Variants in NEDD4L observed in about 807,000 individuals in gnomAD.
The protein encoded by NEDD4L is NEDD4 like E3 ubiquitin protein ligase, also known as E3 ubiquitin-protein ligase NEDD4-like.
Under a neutral mutation model 148.9 loss-of-function variants are expected in NEDD4L, and 54 were observed. The observed-to-expected ratio is 0.36, with a 90% CI of 0.29 to 0.45. The LOEUF is 0.45. Among genes scored for constraint, NEDD4L ranks in the 20% least tolerant of loss-of-function variants. The probability of loss-of-function intolerance (pLI) is 1.00; values close to 1 mark genes in which losing one functional copy is unlikely to be tolerated. For synonymous variants in NEDD4L, 433 were observed against 440.7 expected (o/e 0.98, Z 0.22); for missense variants, 856 against 1,233.8 (o/e 0.69, Z 4.59).
chr18:58,268,873 A>G (rs2050617846), intron 5 of NEDD4L, among the ~76,000 whole-genome samples: 1 of 151,766 alleles, frequency 6.6e-6, no homozygotes, highest in Non-Finnish European at 1.5e-5. Flanking sequence ...GGAGGAGGGG[A>G]GCGTTCTATG....
intron 5 of NEDD4L, among the ~76,000 whole-genome samples, chr18:58,281,754 G>A (rs907481185): frequency 7.9e-5 from 12 of 151,860 alleles, no homozygotes; most frequent in Admixed American, 3.3e-4. Context: ...GGCTGGGCGC[G>A]GTGGCTCACA....
At position 58,315,555 on chromosome 18, in the gene NEDD4L, C is replaced by G. The variant is rs569779629; in HGVS notation, c.298-427C>G. Among the ~76,000 whole-genome samples, 3 of 152,078 alleles carry G rather than the reference C, an allele frequency of 2.0e-5. No homozygotes were observed. The East Asian group carries it at 5.8e-4, about 29-fold the overall frequency. On this transcript the variant is annotated intron_variant, in intron 5 of 30. Transcript: ENST00000400345. ...TTGTAAGATGCATTGGTAACTAGGCCATATACTTTTTCCATTGGCTCTCAG... is the reference window on the plus strand; with the variant it reads ...TTGTAAGATGCATTGGTAACTAGGCGATATACTTTTTCCATTGGCTCTCAG...
chr18:58,247,941 A>G (rs1290359663), intron 3 of NEDD4L, among the ~76,000 whole-genome samples: 1 of 151,892 alleles, frequency 6.6e-6, no homozygotes, highest in Non-Finnish European at 1.5e-5. Flanking sequence ...ATTTTTGAAA[A>G]CGCCGGTTCA....
chr18:58,104,564 T>C (rs965477012), intron 1 of NEDD4L, among the ~76,000 whole-genome samples: 1 of 152,244 alleles, frequency 6.6e-6, no homozygotes, highest in Non-Finnish European at 1.5e-5. Context: ...GTATAAGTTA[T>C]GCGACAAAAA....
intron 2 of NEDD4L, among the ~76,000 whole-genome samples, chr18:58,172,323 G>A (rs1228452708): frequency 6.6e-6 from 1 of 152,192 alleles, no homozygotes; most frequent in Non-Finnish European, 1.5e-5. Context: ...TCTTTTAGAC[G>A]CTCTGTGGTG....
At chr18:58,250,665 C>T (rs2047819205) in intron 4 of NEDD4L, among the ~76,000 whole-genome samples, 1 of 152,140 alleles carries the variant, frequency 6.6e-6, no homozygotes. Context: ...ATGCATTCCC[C>T]ACCATGAAGC....
intron 2 of NEDD4L, among the ~76,000 whole-genome samples, chr18:58,191,239 CAATG>C (rs2040081667): frequency 6.6e-6 from 1 of 152,182 alleles, no homozygotes; most frequent in Non-Finnish European, 1.5e-5. Context: ...CCATTTGTAT[CAATG>C]AATAACCCCC....
intron 2 of NEDD4L, among the ~76,000 whole-genome samples, chr18:58,194,682 C>T (rs1227199079): frequency 1.3e-5 from 2 of 151,914 alleles, no homozygotes; most frequent in Non-Finnish European, 2.9e-5. Flanking sequence ...ATTGGCCTCC[C>T]TAATCTGTTG....
intron 1 of NEDD4L, among the ~76,000 whole-genome samples, chr18:58,100,943 T>A (rs2084715968): frequency 6.6e-6 from 1 of 152,132 alleles, no homozygotes; most frequent in Non-Finnish European, 1.5e-5. Context: ...GTAGCTGGGA[T>A]GACAGGCGCA....
At position 58,256,563 on chromosome 18, in the gene NEDD4L, C is replaced by T; in HGVS notation, c.297+4509C>T. The stretch of plus-strand genomic sequence containing the variant: ...GATCGGGGAGCCCTGGAGGCATCGC[C>T]TCGAGCTGGCAGGATGGCTCCTGAA... On this transcript the variant is annotated intron_variant, in intron 5 of 30. Coordinates refer to ENST00000400345, the MANE Select transcript of NEDD4L (RefSeq NM_001144967.3). This position sits in a 1 kb window ranked among gnomAD's most constrained non-coding sequence, Gnocchi z 5.2. The T allele has an allele frequency of 1.6e-6, 2 of 1,232,370 alleles. No homozygotes were observed. The highest frequency in any genetic ancestry group is 2.0e-6 in the Non-Finnish European group (2 of 988,130). 76.3% of individuals were successfully genotyped at this position (1,232,370 alleles called of 1,614,324 possible).
intron 5 of NEDD4L, among the ~76,000 whole-genome samples, chr18:58,273,717 T>C (rs1250324564): frequency 6.6e-6 from 1 of 152,226 alleles, no homozygotes; most frequent in Non-Finnish European, 1.5e-5. Context: ...ATGTAACAAG[T>C]TGGGCAAATG....
intron 13 of NEDD4L, among the ~76,000 whole-genome samples, chr18:58,338,338 C>G (rs961762171): frequency 1.1e-4 from 17 of 152,304 alleles, no homozygotes; most frequent in Admixed American, 5.2e-4. Flanking sequence ...CATGGCCTGT[C>G]TGTAGAAGCT....
chr18:58,272,058 T>C (rs1054037059), intron 5 of NEDD4L, among the ~76,000 whole-genome samples: 11 of 152,170 alleles, frequency 7.2e-5, no homozygotes, highest in Non-Finnish European at 1.5e-4. Flanking sequence ...TTATGAAAAA[T>C]AGAAAAACCT....
chr18:58,345,932 T>G (rs1301619657), intron 16 of NEDD4L, among the ~76,000 whole-genome samples: 1 of 150,636 alleles, frequency 6.6e-6, no homozygotes, highest in Non-Finnish European at 1.5e-5. Context: ...TGTTTTTTGT[T>G]TTTTTTAGCA....
chr18:58,290,089 A>G (rs1045750512), intron 5 of NEDD4L, among the ~76,000 whole-genome samples: 1 of 152,268 alleles, frequency 6.6e-6, no homozygotes, highest in Non-Finnish European at 1.5e-5. Flanking sequence ...TTTACTGTAA[A>G]TTAATATCAT....
rs2059726758 is a variant in NEDD4L, at chr18:58,330,784, T to C, written c.860T>C (p.Leu287Pro). 2 of 1,612,594 alleles carry C rather than the reference T, an allele frequency of 1.2e-6. No homozygotes were observed. Among genetic ancestry groups the C allele is most frequent in the African/African-American group, 1.3e-5 (1 of 74,866 alleles). Residue 287 changes from leucine (L) to proline (P), a missense_variant, in exon 11 of 31, where the codon CTC becomes CCC. Coordinates refer to ENST00000400345, the MANE Select transcript of NEDD4L (RefSeq NM_001144967.3). ...GAAGTGAATATCGCTGGAGACTCTC[T>C]CGGTCTGGCTCTGCCCCCACCACCG... The part of the protein sequence containing the change: ...SEEVNIAGDS[L>P]GLALPPPPAS...
In NEDD4L at chr18:58,256,331, C is replaced by A. The variant is rs2048561719; in HGVS notation, c.297+4277C>A. On this transcript the variant is annotated intron_variant, in intron 5 of 30. Coordinates refer to ENST00000400345, the MANE Select transcript of NEDD4L (RefSeq NM_001144967.3). This position sits in a 1 kb window ranked among gnomAD's most constrained non-coding sequence, Gnocchi z 5.2. Reference sequence around the variant, plus strand: ...CAGGCGCTGGTCCCTGCAGCACGTTCCAGATGCTTCTGGAAGCTCTGGGAA... The same window carrying A: ...CAGGCGCTGGTCCCTGCAGCACGTTACAGATGCTTCTGGAAGCTCTGGGAA... The A allele has an allele frequency of 8.1e-7, 1 of 1,232,040 alleles. No homozygotes were observed. Among genetic ancestry groups the A allele is most frequent in the Non-Finnish European group, 1.0e-6 (1 of 987,934 alleles). 76.3% of individuals were successfully genotyped at this position (1,232,040 alleles called of 1,614,324 possible). A position where few individuals can be genotyped will look rare whatever the true frequency, so the allele number is the denominator to read the frequency against.
intron 24 of NEDD4L, among the ~76,000 whole-genome samples, chr18:58,380,296 T>A (rs946806876): frequency 1.3e-4 from 18 of 141,814 alleles, no homozygotes; most frequent in African/African-American, 4.8e-4. Context: ...TTCTTTTTTA[T>A]TTTATTTATT....
At chr18:58,194,700 T>C (rs1439775015) in intron 2 of NEDD4L, among the ~76,000 whole-genome samples, 1 of 152,108 alleles carries the variant, frequency 6.6e-6, no homozygotes, top group Non-Finnish European at 1.5e-5. Flanking sequence ...TTGGAGACAT[T>C]AGTTAAAAAA....
Sources: allele counts gnomAD v4.1 joint callset (sites outside exome capture counted in the v4.1 genomes callset), GRCh38; gene constraint gnomAD v4.1.1; non-coding constraint Gnocchi (gnomAD v3.1); transcripts MANE v1.5; gene names NCBI Gene and HGNC (gene_info 2026-07-23, HGNC 2026-07-21).